Variants in CCDC57 observed in about 807,000 individuals in gnomAD.
CCDC57 encodes coiled-coil domain-containing protein 57.
Under a neutral mutation model 118.9 loss-of-function variants are expected in CCDC57, and 118 were observed. The observed-to-expected ratio is 0.99, with a 90% CI of 0.86 to 1.16. The LOEUF (loss-of-function observed/expected upper bound fraction) is 1.16, where lower values mean the gene tolerates loss of function less well. Ranked by LOEUF, CCDC57 falls within the 50% of genes most tolerant of loss-of-function variation. The pLI is 0.00. For synonymous variants in CCDC57, 527 were observed against 532.9 expected (o/e 0.99, Z 0.15); for missense variants, 1,300 against 1,320.7 (o/e 0.98, Z 0.24).
intron 11 of CCDC57, among the ~76,000 whole-genome samples, chr17:82,177,996 A>G (rs1384707550): frequency 6.6e-6 from 1 of 152,220 alleles, no homozygotes; most frequent in African/African-American, 2.4e-5. Context: ...GACAGCTCAG[A>G]CAAGCTCCTC....
chr17:82,161,477 C>T (rs2043325828), intron 14 of CCDC57, among the ~76,000 whole-genome samples: 1 of 152,178 alleles, frequency 6.6e-6, no homozygotes, highest in African/African-American at 2.4e-5. Flanking sequence ...CAGCATTATG[C>T]ACAATCCAAA....
At chr17:82,194,245 T>G (rs1020496150) in intron 5 of CCDC57, 106 bp from the exon 5 acceptor site, 1 of 1,213,466 alleles carries the variant, frequency 8.2e-7, no homozygotes, top group Admixed American at 2.3e-5. Flanking sequence ...AGAAGAAAAA[T>G]GAAAATTCAA....
chr17:82,174,331 T>G (rs147561360), intron 11 of CCDC57, among the ~76,000 whole-genome samples: 1 of 152,380 alleles, frequency 6.6e-6, no homozygotes, highest in African/African-American at 2.4e-5. Context: ...GCACCTCAAC[T>G]GGCAGTTTAG....
At chr17:82,150,263 C>T (rs1195814697) in intron 16 of CCDC57, among the ~76,000 whole-genome samples, 5 of 137,326 alleles carry the variant, frequency 3.6e-5, no homozygotes, top group African/African-American at 5.5e-5. Context: ...AGAACCTGAC[C>T]CGCACCCAGA....
intron 17 of CCDC57, among the ~76,000 whole-genome samples, chr17:82,129,387 G>C (rs1037506903): frequency 6.6e-6 from 1 of 152,228 alleles, no homozygotes; most frequent in East Asian, 1.9e-4. Flanking sequence ...GAAATTCAAA[G>C]CAGTGGGACC....
intron 17 of CCDC57, among the ~76,000 whole-genome samples, chr17:82,132,185 A>G (rs2038498393): frequency 6.6e-6 from 1 of 152,128 alleles, no homozygotes; most frequent in African/African-American, 2.4e-5. Context: ...AAGGAACAGA[A>G]ATAAGGTCAA....
intron 19 of CCDC57, among the ~76,000 whole-genome samples, chr17:82,110,129 T>A (rs2035144351): frequency 6.6e-6 from 1 of 151,256 alleles, no homozygotes; most frequent in African/African-American, 2.4e-5. Context: ...TACAGGTGCC[T>A]GCCACCACGG....
chr17:82,111,692 TA>T (rs1193225982), intron 19 of CCDC57, among the ~76,000 whole-genome samples: 15 of 151,756 alleles, frequency 9.9e-5, no homozygotes, highest in Middle Eastern at 3.4e-3. Context: ...CTGCAACCTC[TA>T]GCTCCAAGGT....
chr17:82,108,255 G>A (rs925799593), intron 19 of CCDC57, among the ~76,000 whole-genome samples: 19 of 152,202 alleles, frequency 1.2e-4, no homozygotes, highest in Admixed American at 3.9e-4. Flanking sequence ...GTCATGGCTT[G>A]CCCGGGTCCT....
chr17:82,205,580 T>C (rs2146972353), intron 2 of CCDC57, among the ~76,000 whole-genome samples: 1 of 152,300 alleles, frequency 6.6e-6, no homozygotes. Context: ...CAGGTCCCCA[T>C]GCCCCCATCT....
rs1448017955 is a variant in CCDC57, at chr17:82,210,973, G to A, written c.-211+1812C>T. On this transcript the variant is annotated intron_variant, in intron 1 of 19. Transcript: ENST00000665763. Reference sequence around the variant, plus strand: ...CGCGCCACTGAACTCCAGCCTGGGCGGCAAAGAGAGACTCCGTCTTAAAAA... The same window carrying A: ...CGCGCCACTGAACTCCAGCCTGGGCAGCAAAGAGAGACTCCGTCTTAAAAA... 1.4e-4 allele frequency among the ~76,000 whole-genome samples: 20 copies of A among 144,544 alleles called. No homozygotes were observed. In the East Asian group the frequency reaches 2.6e-3, roughly 19 times the overall value. 94.8% of individuals were successfully genotyped at this position (144,544 alleles called of 152,430 possible).
At chr17:82,128,721 C>T (rs4459614) in intron 17 of CCDC57, 124 bp from the exon 17 acceptor site, 383,797 of 745,390 alleles carry the variant, frequency 0.51, 104,925 homozygotes, top group Non-Finnish European at 0.57. Flanking sequence ...AAGACTCACA[C>T]CATTTGGTGA....
intron 18 of CCDC57, 101 bp from the exon 18 acceptor site, chr17:82,128,009 G>A (rs2037725502): frequency 1.3e-6 from 2 of 1,498,000 alleles, no homozygotes; most frequent in South Asian, 2.6e-5. Flanking sequence ...GGCGACAGTG[G>A]GCCTGGCTTA....
intron 19 of CCDC57, chr17:82,107,398 G>A (rs907405352): frequency 3.2e-5 from 14 of 432,852 alleles, no homozygotes; most frequent in Admixed American, 2.1e-4. Flanking sequence ...TGGCTGCCTC[G>A]AACCCTGCTG....
At position 82,172,846 on chromosome 17, in the gene CCDC57, C is replaced by T; in HGVS notation, c.1521G>A (p.Gln507=). Residue 507 remains glutamine (Q), a synonymous_variant, in exon 12 of 20, where the codon CAG becomes CAA. Coordinates refer to ENST00000665763, the Ensembl canonical transcript of CCDC57. The surrounding 1 kb of genome is among the most constrained non-coding windows in gnomAD (Gnocchi z 5.2). ...AGTCTTTACTTATTTCTTCTTCATG[C>T]TGCCTGAGAAGCATCTGTCAAATAC... 2 of 1,611,648 alleles carry T rather than the reference C, an allele frequency of 1.2e-6. No individual in the cohort carries two copies. Among genetic ancestry groups the T allele is most frequent in the Non-Finnish European group, 1.7e-6 (2 of 1,178,938 alleles).
chr17:82,108,700 T>G (rs2035033432), intron 19 of CCDC57: 1 of 152,178 alleles, frequency 6.6e-6, no homozygotes, highest in African/African-American at 2.4e-5. Context: ...GTGGAGGCGG[T>G]GACTGTGAGC....
At chr17:82,200,988 G>T (rs1160507961) in intron 3 of CCDC57, among the ~76,000 whole-genome samples, 2 of 152,158 alleles carry the variant, frequency 1.3e-5, no homozygotes, top group Admixed American at 6.5e-5. Flanking sequence ...AGTGGGGGAT[G>T]GAAGAGCTTA....
chr17:82,146,802 CACAAACGTGTGTGCACACAGTCTCACAT>C (rs1397606706), intron 16 of CCDC57, among the ~76,000 whole-genome samples: 1 of 152,178 alleles, frequency 6.6e-6, no homozygotes, highest in Non-Finnish European at 1.5e-5. Flanking sequence ...CAGTCTCACA[CACAAACGTGTGTGCACACAGTCTCACAT>C]ACAAACGCAC....
chr17:82,153,899 A>T (rs1028688582), intron 15 of CCDC57: 2 of 152,350 alleles, frequency 1.3e-5, no homozygotes, highest in African/African-American at 4.8e-5. Flanking sequence ...TCCTGAGGAC[A>T]TGTATGAGTG....
Sources: gnomAD v4.1 joint callset for allele counts (sites outside exome capture counted in the v4.1 genomes callset) on GRCh38, gnomAD v4.1.1 for gene constraint, Gnocchi (gnomAD v3.1) non-coding constraint, MANE v1.5 for transcripts, NCBI Gene and HGNC (gene_info 2026-07-23, HGNC 2026-07-21) for gene names.